The following NARS2 variants were observed in gnomAD, a reference collection of about 807,000 sequenced individuals.
NARS2 encodes the protein asparaginyl-tRNA synthetase.
NARS2 carries 60 observed loss-of-function variants against 62.9 expected under a neutral mutation model. That is an observed-to-expected ratio of 0.95 (90% CI 0.77 to 1.18). NARS2 has a LOEUF of 1.18. Ranked by LOEUF, NARS2 falls within the 50% of genes most tolerant of loss-of-function variation. The pLI, the probability that NARS2 is intolerant of heterozygous loss-of-function variation, is 0.00. For missense variants in NARS2, 619 were observed against 576.4 expected, an observed-to-expected ratio of 1.07 and a Z score of -0.76; for synonymous variants, 196 against 200.0, an observed-to-expected ratio of 0.98 and a Z score of 0.17.
In NARS2 at chr11:78,469,772, G is replaced by C. The variant is rs558549754; in HGVS notation, c.960-459C>G. On this transcript the variant is annotated intron_variant, in intron 9 of 13. Transcript: ENST00000281038. ...TGCGCGCATGTGTGTGTCAGAGAGA[G>C]AGAGAGCGAGAGATGCAGGTGAGGA... Among the ~76,000 whole-genome samples, 267 of 148,156 alleles carry C rather than the reference G, an allele frequency of 1.8e-3. 3 individuals are homozygous for C. The highest frequency in any genetic ancestry group is 6.9e-3 in the Middle Eastern group (2 of 290).
chr11:78,546,888 T>C (rs1855898442), intron 5 of NARS2, among the ~76,000 whole-genome samples: 1 of 152,244 alleles, frequency 6.6e-6, no homozygotes, highest in Non-Finnish European at 1.5e-5. Context: ...CAGAAATCTC[T>C]CCTAGAGCAC....
At chr11:78,510,473 C>CA (rs892622650) in intron 6 of NARS2, among the ~76,000 whole-genome samples, 8 of 151,574 alleles carry the variant, frequency 5.3e-5, no homozygotes, top group Non-Finnish European at 1.0e-4. Context: ...AAATATAAAG[C>CA]AAAAAATGAC....
intron 6 of NARS2, among the ~76,000 whole-genome samples, chr11:78,522,119 AT>A (rs59159824): frequency 0.038 from 5,117 of 134,882 alleles, 277 homozygotes; most frequent in African/African-American, 0.13. Context: ...CATCCAGCTA[AT>A]TTTTTTTTTT....
intron 4 of NARS2, among the ~76,000 whole-genome samples, chr11:78,564,839 C>T (rs998254653): frequency 6.6e-6 from 1 of 152,216 alleles, no homozygotes; most frequent in East Asian, 1.9e-4. Context: ...TTATCAAAAG[C>T]ATATGCCTTA....
chr11:78,540,271 T>C (rs1377043210), intron 5 of NARS2, among the ~76,000 whole-genome samples: 1 of 152,168 alleles, frequency 6.6e-6, no homozygotes, highest in African/African-American at 2.4e-5. Flanking sequence ...TTTGAGGATT[T>C]CCAAGAAAAT....
chr11:78,525,143 A>C (rs1263020748), intron 6 of NARS2, among the ~76,000 whole-genome samples: 8 of 152,278 alleles, frequency 5.3e-5, no homozygotes, highest in Admixed American at 5.2e-4. Flanking sequence ...TTAGGAAGGA[A>C]GAATGGCTAG....
intron 10 of NARS2, among the ~76,000 whole-genome samples, chr11:78,468,530 G>C (rs932958174): frequency 4.7e-5 from 7 of 150,468 alleles, no homozygotes; most frequent in African/African-American, 1.7e-4. Flanking sequence ...TCAGCCTCCT[G>C]AGTAGCTGGG....
rs1035101172 is a variant in NARS2, at chr11:78,559,538, C to G, written c.594+1G>C. ...CCCTCAAGATGGGAAGCAAAACTTA[C>G]TTCAAGTTGAAAAAGTTCTCCAGCT... is the stretch of plus-strand genomic sequence containing the variant. On this transcript the variant is annotated splice_donor_variant, in intron 5 of 13. Coordinates refer to ENST00000281038, the MANE Select transcript of NARS2 (RefSeq NM_024678.6). LOFTEE classifies it high-confidence loss of function. 3.7e-6 allele frequency: 6 copies of G among 1,600,198 alleles called. No individual in the cohort carries two copies. The highest frequency in any genetic ancestry group is 5.1e-6 in the Non-Finnish European group (6 of 1,167,986).
intron 6 of NARS2, among the ~76,000 whole-genome samples, chr11:78,524,871 C>A (rs1281946096): frequency 1.3e-5 from 2 of 152,062 alleles, no homozygotes; most frequent in Non-Finnish European, 2.9e-5. Context: ...CCTGGGAAAT[C>A]TGCCAAAACT....
intron 4 of NARS2, among the ~76,000 whole-genome samples, chr11:78,564,833 C>T (rs1243336578): frequency 6.6e-6 from 1 of 152,174 alleles, no homozygotes; most frequent in African/African-American, 2.4e-5. Context: ...TTTGTCTTAT[C>T]AAAAGCATAT....
At position 78,571,412 on chromosome 11, in the gene NARS2, T is replaced by C. The variant is rs181862634; in HGVS notation, c.174A>G (p.Glu58=). The change falls in exon 2 of 14, where the codon GAA becomes GAG. Residue 58 remains glutamate, a synonymous_variant. Coordinates refer to ENST00000281038, the MANE Select transcript of NARS2 (RefSeq NM_024678.6). ...GWIRSVRSQK[E]VLFLHVNDGS... ...CATCATTTACATGCAGGAACAAGAC[T>C]TCCTTCTGGGATCGGACAGAACGAA... The C allele has an allele frequency of 3.8e-4, 606 of 1,613,452 alleles. 7 individuals carry two copies. The Admixed American group carries it at 9.8e-3, about 26-fold the overall frequency.
At chr11:78,464,952 G>C (rs1254982973) in intron 11 of NARS2, among the ~76,000 whole-genome samples, 1 of 152,252 alleles carries the variant, frequency 6.6e-6, no homozygotes, top group African/African-American at 2.4e-5. Context: ...CTGCCTGCCA[G>C]TCCCGCGCCA....
chr11:78,480,204 G>A (rs1016494558), intron 7 of NARS2, among the ~76,000 whole-genome samples: 5 of 152,030 alleles, frequency 3.3e-5, no homozygotes, highest in African/African-American at 1.2e-4. Context: ...CTGGCCTAGT[G>A]GCATTTGCTC....
intron 7 of NARS2, 43 bp from the exon 8 acceptor site, chr11:78,478,726 T>C (rs1859218705): frequency 6.8e-6 from 9 of 1,331,686 alleles, no homozygotes; most frequent in Non-Finnish European, 9.5e-6. Flanking sequence ...TAAGCAATTT[T>C]ACATGAAAAA....
At chr11:78,488,818 C>A (rs1369631725) in intron 7 of NARS2, among the ~76,000 whole-genome samples, 1 of 151,942 alleles carries the variant, frequency 6.6e-6, no homozygotes, top group East Asian at 1.9e-4. Flanking sequence ...TGATTTTTGA[C>A]AAAGACCCAA....
At chr11:78,445,160 AT>A (rs1857714740) in intron 11 of NARS2, among the ~76,000 whole-genome samples, 2 of 152,250 alleles carry the variant, frequency 1.3e-5, no homozygotes, top group African/African-American at 4.8e-5. Context: ...TTTTATTTGT[AT>A]TTTCTTATTT....
intron 5 of NARS2, among the ~76,000 whole-genome samples, chr11:78,541,988 A>T (rs994935259): frequency 2.0e-5 from 3 of 152,180 alleles, no homozygotes; most frequent in African/African-American, 7.2e-5. Flanking sequence ...GTCTTTCACT[A>T]ATCTAAAAAT....
chr11:78,503,806 CTCT>C (rs748061734), intron 6 of NARS2, among the ~76,000 whole-genome samples: 3 of 152,146 alleles, frequency 2.0e-5, no homozygotes, highest in Non-Finnish European at 4.4e-5. Flanking sequence ...TGAAAAATCC[CTCT>C]TCATTTTCCC....
chr11:78,481,114 C>T (rs530645539), intron 7 of NARS2, among the ~76,000 whole-genome samples: 1 of 151,292 alleles, frequency 6.6e-6, no homozygotes, highest in Non-Finnish European at 1.5e-5. Context: ...AGCCACCACA[C>T]CTGGCCTAAC....
Sources: gnomAD v4.1 joint callset for allele counts (sites outside exome capture counted in the v4.1 genomes callset) on GRCh38, gnomAD v4.1.1 for gene constraint, MANE v1.5 for transcripts, NCBI Gene and HGNC (gene_info 2026-07-23, HGNC 2026-07-21) for gene names.